Variants in GAS7 observed in about 807,000 individuals in gnomAD.
GAS7 encodes the protein growth arrest-specific protein 7.
GAS7 carries 28 observed loss-of-function variants against 71.1 expected under a neutral mutation model. The ratio of observed to expected loss-of-function variants is 0.39; its 90% CI spans 0.29 to 0.54. The LOEUF (loss-of-function observed/expected upper bound fraction) is 0.54, where lower values mean the gene tolerates loss of function less well. GAS7 is among the 20% of genes least tolerant of loss of function. The probability of loss-of-function intolerance (pLI) is 0.62; values close to 1 mark genes in which losing one functional copy is unlikely to be tolerated. For missense variants in GAS7, 436 were observed against 627.8 expected, an observed-to-expected ratio of 0.69 and a Z score of 3.27; for synonymous variants, 258 against 245.8, an observed-to-expected ratio of 1.05 and a Z score of -0.46.
At chr17:10,182,665 G>A (rs1029968257) in intron 1 of GAS7, among the ~76,000 whole-genome samples, 1 of 152,088 alleles carries the variant, frequency 6.6e-6, no homozygotes, top group Admixed American at 6.6e-5. Context: ...CTAAGTCTCC[G>A]ACAGCAAGGA....
rs566761915 is a variant in GAS7, at chr17:10,011,997, T to C, written c.304+7780A>G. Reference sequence around the variant, plus strand: ...TCTCAAAAAAAAAAAAAACAAAAGATACCATCTCAAATGGTACTCTTTGTT... The same window carrying C: ...TCTCAAAAAAAAAAAAAACAAAAGACACCATCTCAAATGGTACTCTTTGTT... On this transcript the variant is annotated intron_variant, in intron 2 of 13. Transcript: ENST00000432992. Among the ~76,000 whole-genome samples the C allele has an allele frequency of 3.4e-5, 5 of 148,286 alleles. No homozygotes were observed. The South Asian group carries it at 1.1e-3, about 32-fold the overall frequency.
At chr17:10,001,367 A>G (rs538320075) in intron 2 of GAS7, among the ~76,000 whole-genome samples, 1 of 152,276 alleles carries the variant, frequency 6.6e-6, no homozygotes, top group South Asian at 2.1e-4. Context: ...GAAAACAGAA[A>G]AGTAAAAAGA....
intron 1 of GAS7, among the ~76,000 whole-genome samples, chr17:10,174,145 C>A (rs2074354630): frequency 6.6e-6 from 1 of 152,218 alleles, no homozygotes; most frequent in South Asian, 2.1e-4. Flanking sequence ...AGCAAACCCT[C>A]TGGAGGGTGA....
chr17:10,008,217 G>A (rs9896675), intron 2 of GAS7, among the ~76,000 whole-genome samples: 33,256 of 152,112 alleles, frequency 0.22, 6,614 homozygotes, highest in African/African-American at 0.53. Context: ...TTGTGTGGAC[G>A]TGTGTTTCTA....
intron 1 of GAS7, among the ~76,000 whole-genome samples, chr17:10,101,693 G>T (rs958851253): frequency 1.3e-5 from 2 of 152,164 alleles, no homozygotes. Flanking sequence ...GGGTCCCTCG[G>T]ACTTTACCAC....
At chr17:10,089,069 G>T (rs895807829) in intron 1 of GAS7, among the ~76,000 whole-genome samples, 1 of 152,040 alleles carries the variant, frequency 6.6e-6, no homozygotes, top group African/African-American at 2.4e-5. Flanking sequence ...ACTGAGGCAG[G>T]AGAATCGCTT....
chr17:9,939,213 C>G (rs893152943), intron 8 of GAS7, among the ~76,000 whole-genome samples: 1 of 152,160 alleles, frequency 6.6e-6, no homozygotes, highest in African/African-American at 2.4e-5. Flanking sequence ...TGAGGAACAA[C>G]CAGATTGTTT....
In GAS7 at chr17:9,943,130, A is replaced by G. The variant is rs756539206; in HGVS notation, c.722T>C (p.Ile241Thr). The stretch of plus-strand genomic sequence containing the variant: ...GGGGCCCAGGCTTCACCTTTCCCGG[A>G]TGAATTCTGACATTTCCTTCTGCAT... ...KQMQKEMSEF[I>T]RERIKIEEDY... is the part of the protein sequence containing the mutation. The change falls in exon 7 of 14, where the codon ATC (isoleucine) becomes ACC (threonine). Residue 241 changes from isoleucine (I) to threonine (T), a missense_variant. Ile to Thr is a moderately conservative substitution (Grantham distance 89). Transcript: ENST00000432992. 8.7e-6 allele frequency: 14 copies of G among 1,605,214 alleles called. No individual in the cohort carries two copies. Among genetic ancestry groups the G allele is most frequent in the Non-Finnish European group, 1.2e-5 (14 of 1,171,990 alleles).
At chr17:10,164,154 G>A (rs1348126439) in intron 1 of GAS7, among the ~76,000 whole-genome samples, 1 of 152,058 alleles carries the variant, frequency 6.6e-6, no homozygotes, top group African/African-American at 2.4e-5. Context: ...TTAGGAATAT[G>A]GCCATGGACT....
chr17:10,016,755 AAT>A (rs1567542862), intron 2 of GAS7, among the ~76,000 whole-genome samples: 20 of 10,358 alleles, frequency 1.9e-3, no homozygotes, highest in African/African-American at 9.9e-3. Context: ...TACAAAAAAT[AAT>A]AATAATAATA....
At chr17:10,147,812 G>A (rs971617881) in intron 1 of GAS7, among the ~76,000 whole-genome samples, 11 of 152,134 alleles carry the variant, frequency 7.2e-5, no homozygotes, top group Admixed American at 2.0e-4. Context: ...AAAAATCAGA[G>A]TACCTTTATC....
chr17:10,158,357 A>C (rs1225281419), intron 1 of GAS7, among the ~76,000 whole-genome samples: 1 of 129,524 alleles, frequency 7.7e-6, no homozygotes, highest in Non-Finnish European at 1.7e-5. Flanking sequence ...AAAAAAAAAA[A>C]AAACAAGGCC....
intron 1 of GAS7, among the ~76,000 whole-genome samples, chr17:10,190,579 CAA>C (rs763366804): frequency 3.3e-3 from 338 of 103,344 alleles, no homozygotes; most frequent in Non-Finnish European, 5.3e-3. Context: ...GACTCCGTCT[CAA>C]AAAAAAAAAA....
chr17:9,956,782 A>G (rs11651517), intron 5 of GAS7, among the ~76,000 whole-genome samples: 72,262 of 152,038 alleles, frequency 0.48, 18,129 homozygotes, highest in Non-Finnish European at 0.57. Context: ...GGGATCAGAC[A>G]GCACGGGAAG....
intron 1 of GAS7, among the ~76,000 whole-genome samples, chr17:10,193,710 C>T (rs2074518938): frequency 6.6e-6 from 1 of 152,152 alleles, no homozygotes; most frequent in Non-Finnish European, 1.5e-5. Flanking sequence ...CATGGAAGAA[C>T]ATCAAAGCAC....
chr17:10,116,200 A>G (rs1423385155), intron 1 of GAS7, among the ~76,000 whole-genome samples: 1 of 151,964 alleles, frequency 6.6e-6, no homozygotes, highest in Admixed American at 6.6e-5. Context: ...GGTCCCAGCT[A>G]CTCAGGAGGC....
At chr17:10,038,233 C>T (rs564439189) in intron 1 of GAS7, among the ~76,000 whole-genome samples, 1 of 152,292 alleles carries the variant, frequency 6.6e-6, no homozygotes, top group South Asian at 2.1e-4. Flanking sequence ...TGGTGTATAC[C>T]TGTAGTCCCA....
chr17:9,948,780 G>A (rs901050718), intron 5 of GAS7, among the ~76,000 whole-genome samples: 1 of 152,112 alleles, frequency 6.6e-6, no homozygotes, highest in Admixed American at 6.5e-5. Context: ...TTTTCTGCCC[G>A]AGCACATCTG....
chr17:10,055,542 C>T (rs1159036271), intron 1 of GAS7, among the ~76,000 whole-genome samples: 1 of 152,192 alleles, frequency 6.6e-6, no homozygotes, highest in Admixed American at 6.5e-5. Context: ...TGATCCCCAC[C>T]CCACTGAAAA....
Sources: allele counts gnomAD v4.1 joint callset (sites outside exome capture counted in the v4.1 genomes callset), GRCh38; gene constraint gnomAD v4.1.1; transcripts MANE v1.5; gene names NCBI Gene and HGNC (gene_info 2026-07-23, HGNC 2026-07-21).